The following RANBP1 variants were observed in gnomAD, a reference collection of about 807,000 sequenced individuals.
The protein encoded by RANBP1 is RAN binding protein 1.
Under a neutral mutation model 31.4 loss-of-function variants are expected in RANBP1, and 16 were observed. That is an observed-to-expected ratio of 0.51 (90% CI 0.34 to 0.77). The LOEUF is 0.77. Among genes scored for constraint, RANBP1 ranks in the 30% least tolerant of loss-of-function variants. RANBP1 has a pLI of 0.01. For synonymous variants in RANBP1, 129 were observed against 140.5 expected (o/e 0.92, Z 0.58); for missense variants, 265 against 362.0 (o/e 0.73, Z 2.17).
chr22:20,116,204 G>C lies in RANBP1; in HGVS notation c.20G>C (p.Arg7Pro). Residue 7 changes from arginine to proline, a missense_variant, in exon 1 of 6, where the codon CGG (arginine) becomes CCG (proline). By Grantham distance (103) the Arg-to-Pro change is moderately radical. Transcript: ENST00000430524. MGSALG[R>P]ARRTLSGRPF... Reference sequence around the variant, plus strand: ...CTGGCCATGGGGTCGGCCTTGGGCCGGGCCAGGCGCACACTGAGTGGGCGG... The same window carrying C: ...CTGGCCATGGGGTCGGCCTTGGGCCCGGCCAGGCGCACACTGAGTGGGCGG... 6.2e-7 allele frequency: 1 copy of C among 1,613,002 alleles called. No homozygotes were observed. The highest frequency in any genetic ancestry group is 8.5e-7 in the Non-Finnish European group (1 of 1,179,998).
chr22:20,126,167 A>C (rs2050292904), intron 4 of RANBP1, 136 bp from the exon 5 acceptor site: 1 of 1,038,266 alleles, frequency 9.6e-7, no homozygotes, highest in African/African-American at 1.6e-5. Context: ...GGCCGATGTC[A>C]GGTGGACCAG....
chr22:20,127,161 G>C lies in RANBP1; in HGVS notation c.*109G>C. The stretch of plus-strand genomic sequence containing the variant: ...TTATTCTTTCATTTTTACAAGGGAC[G>C]TTATATAAAGAACTGAACTCAACAT... On this transcript the variant is annotated 3_prime_UTR_variant, in exon 6 of 6. Coordinates refer to ENST00000430524, the MANE Select transcript of RANBP1 (RefSeq NM_001278639.2). 3 of 856,402 alleles carry C rather than the reference G, an allele frequency of 3.5e-6. No individual in the cohort carries two copies. Among genetic ancestry groups the C allele is most frequent in the Non-Finnish European group, 5.1e-6 (3 of 589,008 alleles). The allele number at this position is 856,402 out of a possible 1,614,324, so 53.1% of individuals were successfully genotyped here.
At chr22:20,117,583 A>G in intron 1 of RANBP1, 1 of 1,382,608 alleles carries the variant, frequency 7.2e-7, no homozygotes, top group Non-Finnish European at 9.4e-7. Context: ...AGCTACGAGT[A>G]GCCGCCGAGA....
rs1005160009 is a variant in RANBP1 at position 20,127,272 on chromosome 22, C to T, written c.*220C>T. ...TCCATTCCCCAGTCATGAAAATGTA[C>T]TGTGCTAACTTTCTTTTCCATAGTG... On this transcript the variant is annotated 3_prime_UTR_variant, in exon 6 of 6. Transcript: ENST00000430524. 2.6e-6 allele frequency: 1 copy of T among 382,858 alleles called. No individual in the cohort carries two copies. Among genetic ancestry groups the T allele is most frequent in the African/African-American group, 2.1e-5 (1 of 48,218 alleles). 23.7% of individuals were successfully genotyped at this position (382,858 alleles called of 1,614,324 possible). A position where few individuals can be genotyped will look rare whatever the true frequency, so the allele number is the denominator to read the frequency against.
chr22:20,117,520 C>A, intron 1 of RANBP1: 1 of 762,292 alleles, frequency 1.3e-6, no homozygotes, highest in Non-Finnish European at 1.7e-6. Flanking sequence ...GGTCGTGGGG[C>A]GGAGGGAAGA....
Position 20,126,939 on chromosome 22 carries a change from C to G in RANBP1, c.737-13C>G. ...GTGCTTCTGTTTTCTCACTGTGCTG[C>G]TTGTGTTTTTAGCAGGATCAGGCAA... On this transcript the variant is annotated splice_polypyrimidine_tract_variant and intron_variant, in intron 5 of 5. Coordinates refer to ENST00000430524, the MANE Select transcript of RANBP1 (RefSeq NM_001278639.2). 1 of 1,611,404 alleles carries G rather than the reference C, an allele frequency of 6.2e-7. No individual in the cohort carries two copies. Among genetic ancestry groups the G allele is most frequent in the Non-Finnish European group, 8.5e-7 (1 of 1,178,836 alleles).
At chr22:20,125,482 C>T (rs199730820) in intron 4 of RANBP1, 46 bp downstream of exon 4, 86 of 1,562,606 alleles carry the variant, frequency 5.5e-5, no homozygotes, top group Admixed American at 2.5e-4. Context: ...GGCTCACCTG[C>T]GTGGCAGCGT....
Position 20,119,009 on chromosome 22 carries a change from A to G in RANBP1, c.247-4A>G. 2.5e-6 allele frequency: 4 copies of G among 1,611,802 alleles called. No homozygotes were observed. The highest frequency in any genetic ancestry group is 3.4e-6 in the Non-Finnish European group (4 of 1,179,764). On this transcript the variant is annotated splice_polypyrimidine_tract_variant and splice_region_variant and intron_variant, in intron 1 of 5. Transcript: ENST00000430524. ...AGCAGTGTAACCTCTTTGTATCTCCACAGGACACTCATGAGGACCATGATA... is the reference window on the plus strand; with the variant it reads ...AGCAGTGTAACCTCTTTGTATCTCCGCAGGACACTCATGAGGACCATGATA...
chr22:20,119,756 C>G (rs191063910), intron 2 of RANBP1, among the ~76,000 whole-genome samples: 1 of 152,222 alleles, frequency 6.6e-6, no homozygotes, highest in African/African-American at 2.4e-5. Flanking sequence ...ACCTCATGAT[C>G]TGCCCACCCC....
rs149188636 is a variant in RANBP1, at chr22:20,124,919, G to T, written c.542-389G>T. 355 of 278,846 alleles carry T rather than the reference G, an allele frequency of 1.3e-3. 6 individuals are homozygous for T. In the East Asian group the frequency reaches 0.039, roughly 31 times the overall value. The allele number at this position is 278,846 out of a possible 1,614,324, so 17.3% of individuals were successfully genotyped here. ...GGTCAGAATCAAGGGGATCAGGGTT[G>T]GGCTTGAGTGCAGCCCTGGGATACA... On this transcript the variant is annotated intron_variant, in intron 3 of 5. Coordinates refer to ENST00000430524, the MANE Select transcript of RANBP1 (RefSeq NM_001278639.2).
In RANBP1 at chr22:20,122,649, C is replaced by T. The variant is rs922442586; in HGVS notation, c.541+228C>T. ...ACACGGGGGTGTGGAGTCAGCCAGA[C>T]GGGCCCTGATGGGAGGACGCAGCGC... On this transcript the variant is annotated intron_variant, in intron 3 of 5. Transcript: ENST00000430524. The T allele has an allele frequency of 1.8e-5, 27 of 1,474,428 alleles. No individual in the cohort carries two copies. In the Admixed American group the frequency reaches 3.5e-4, roughly 19 times the overall value. 91.3% of individuals were successfully genotyped at this position (1,474,428 alleles called of 1,614,324 possible). A position where few individuals can be genotyped will look rare whatever the true frequency, so the allele number is the denominator to read the frequency against.
rs776990071 is a variant in RANBP1, at chr22:20,119,029, A to G, written c.263A>G (p.His88Arg). 2.5e-5 allele frequency: 40 copies of G among 1,612,864 alleles called. No homozygotes were observed. The highest frequency in any genetic ancestry group is 7.6e-6 in the Non-Finnish European group (9 of 1,179,928). Residue 88 changes from histidine (H) to arginine (R), a missense_variant, in exon 2 of 6, where the codon CAT becomes CGT. Physicochemically the swap from His to Arg is conservative, Grantham distance 29. Coordinates refer to ENST00000430524, the MANE Select transcript of RANBP1 (RefSeq NM_001278639.2). ...TCTCCACAGGACACTCATGAGGACCATGATACTTCCACTGAGAATACAGAC... is the reference window on the plus strand; with the variant it reads ...TCTCCACAGGACACTCATGAGGACCGTGATACTTCCACTGAGAATACAGAC... ...LKISEDTHED[H>R]DTSTENTDES...
At chr22:20,119,932 C>T (rs1467090311) in intron 2 of RANBP1, among the ~76,000 whole-genome samples, 1 of 152,228 alleles carries the variant, frequency 6.6e-6, no homozygotes, top group African/African-American at 2.4e-5. Context: ...CAGTTAAGAG[C>T]TGGCTACAGT....
intron 1 of RANBP1, chr22:20,117,909 T>G: frequency 5.0e-6 from 5 of 1,007,722 alleles, no homozygotes; most frequent in East Asian, 1.0e-4. Context: ...CGCGTGACCT[T>G]GGGGTGGGTT....
intron 2 of RANBP1, among the ~76,000 whole-genome samples, chr22:20,121,519 A>G (rs1329757476): frequency 1.3e-5 from 2 of 151,810 alleles, no homozygotes; most frequent in Non-Finnish European, 2.9e-5. Flanking sequence ...AAAGTGTGGG[A>G]TTACAGGCGT....
intron 1 of RANBP1, chr22:20,117,976 G>A (rs941210277): frequency 4.4e-5 from 44 of 1,002,328 alleles, no homozygotes; most frequent in Non-Finnish European, 5.2e-5. Flanking sequence ...GGTGCGGGCG[G>A]CGGGTTTCCT....
intron 1 of RANBP1, chr22:20,118,000 C>G (rs1568978172): frequency 1.1e-5 from 11 of 997,018 alleles, no homozygotes; most frequent in Non-Finnish European, 1.3e-5. Context: ...GCTCGGCCCA[C>G]TTGGGGCTCC....
intron 3 of RANBP1, chr22:20,125,051 T>TGA: frequency 2.1e-6 from 1 of 465,148 alleles, no homozygotes; most frequent in Admixed American, 3.6e-5. Flanking sequence ...GAGATGGCCT[T>TGA]ACGGTCAGGG....
In RANBP1 at chr22:20,126,344, G is replaced by C; in HGVS notation, c.712G>C (p.Glu238Gln). The change falls in exon 5 of 6, where the codon GAG (glutamate) becomes CAG (glutamine). Residue 238 changes from glutamate (E) to glutamine (Q), a missense_variant. By Grantham distance (29) the Glu-to-Gln change is conservative. This residue lies in a region of RANBP1 where 49 missense variants were observed against 47.9 expected (regional missense o/e 1.02). Coordinates refer to ENST00000430524, the MANE Select transcript of RANBP1 (RefSeq NM_001278639.2). Reference sequence around the variant, plus strand: ...AACAAAGTTTGAAGAATGCAGGAAAGAGATCGAAGAGAGAGAAAAGAAAGG... The same window carrying C: ...AACAAAGTTTGAAGAATGCAGGAAACAGATCGAAGAGAGAGAAAAGAAAGG... ...FKTKFEECRKEIEEREKKAGS... is the reference protein window; with the variant it reads ...FKTKFEECRKQIEEREKKAGS... The C allele has an allele frequency of 1.2e-6, 2 of 1,613,994 alleles. No homozygotes were observed. Among genetic ancestry groups the C allele is most frequent in the Non-Finnish European group, 1.7e-6 (2 of 1,180,006 alleles).
Sources: gnomAD v4.1 joint callset for allele counts (sites outside exome capture counted in the v4.1 genomes callset) on GRCh38, gnomAD v4.1.1 for gene constraint, gnomAD v4.1.1 regional missense constraint, MANE v1.5 for transcripts, NCBI Gene and HGNC (gene_info 2026-07-23, HGNC 2026-07-21) for gene names.